Variants in MYCBP2 observed in about 807,000 individuals in gnomAD.
The protein encoded by MYCBP2 is MYC binding protein 2, also known as E3 ubiquitin-protein ligase MYCBP2.
MYCBP2 carries 120 observed loss-of-function variants against 525.3 expected under a neutral mutation model. That is an observed-to-expected ratio of 0.23 (90% CI 0.20 to 0.27). MYCBP2 has a LOEUF of 0.27. Among genes scored for constraint, MYCBP2 ranks in the 10% least tolerant of loss-of-function variants. The pLI is 1.00. For missense variants in MYCBP2, 4,149 were observed against 5,657.1 expected, an observed-to-expected ratio of 0.73 and a Z score of 8.55; for synonymous variants, 1,894 against 1,955.8, an observed-to-expected ratio of 0.97 and a Z score of 0.83.
chr13:77,273,665 G>C lies in MYCBP2; in HGVS notation c.752C>G (p.Ser251Cys). ...GATTTCCAAAAGAAGCTGGAAGAGA[G>C]ACTCTGTGGATAAAATAGAATTCAA... ...LQSEPPEVLESLFQLLLEITV... is the reference protein window; with the variant it reads ...LQSEPPEVLECLFQLLLEITV... Residue 251 changes from serine (S) to cysteine (C), a missense_variant, in exon 5 of 83, where the codon TCT becomes TGT. Ser to Cys is a moderately radical substitution (Grantham distance 112). This residue lies in a region of MYCBP2 where 413 missense variants were observed against 451.2 expected (regional missense o/e 0.92). Transcript: ENST00000544440. 1 of 1,516,170 alleles carries C rather than the reference G, an allele frequency of 6.6e-7. No homozygotes were observed. Among genetic ancestry groups the C allele is most frequent in the Non-Finnish European group, 8.8e-7 (1 of 1,134,706 alleles). 93.9% of individuals were successfully genotyped at this position (1,516,170 alleles called of 1,614,324 possible).
In MYCBP2 at chr13:77,228,830, T is replaced by C. The variant is rs560457180; in HGVS notation, c.2738-3276A>G. On this transcript the variant is annotated intron_variant, in intron 18 of 82. Transcript: ENST00000544440. Reference sequence around the variant, plus strand: ...CATTATATATAATTATATACACATATTTGTATACACAGAGAAAAAAGAGGG... The same window carrying C: ...CATTATATATAATTATATACACATACTTGTATACACAGAGAAAAAAGAGGG... Among the ~76,000 whole-genome samples the C allele has an allele frequency of 4.6e-5, 7 of 152,218 alleles. No homozygotes were observed. In the South Asian group the frequency reaches 1.2e-3, roughly 27 times the overall value.
chr13:77,233,834 T>G (rs1254435828), intron 17 of MYCBP2, among the ~76,000 whole-genome samples: 1 of 151,354 alleles, frequency 6.6e-6, no homozygotes, highest in Non-Finnish European at 1.5e-5. Flanking sequence ...ATGTCTATAT[T>G]CTGCATATAG....
intron 21 of MYCBP2, 76 bp downstream of exon 21, chr13:77,217,764 G>GA (rs767689059): frequency 2.1e-4 from 172 of 832,412 alleles, no homozygotes; most frequent in Non-Finnish European, 1.4e-4. Context: ...TCTGGAAACA[G>GA]AAAAAAGAGC....
At chr13:77,084,233 A>G (rs777052346) in intron 62 of MYCBP2, among the ~76,000 whole-genome samples, 49 of 152,184 alleles carry the variant, frequency 3.2e-4, no homozygotes, top group Non-Finnish European at 2.4e-4. Context: ...GTGAATTTTG[A>G]TAGATCTTAC....
chr13:77,309,961 A>C (rs1248627231), intron 1 of MYCBP2, among the ~76,000 whole-genome samples: 2 of 152,056 alleles, frequency 1.3e-5, no homozygotes, highest in African/African-American at 4.8e-5. Context: ...AAAATACAAA[A>C]ATTAGCTGGG....
chr13:77,257,938 C>T (rs897705069), intron 13 of MYCBP2, 109 bp from the exon 14 acceptor site: 3 of 845,296 alleles, frequency 3.5e-6, no homozygotes, highest in South Asian at 2.3e-5. Context: ...AATAACTCAA[C>T]AAAATGAGAA....
intron 68 of MYCBP2, among the ~76,000 whole-genome samples, chr13:77,071,771 A>G (rs955735341): frequency 1.7e-4 from 26 of 152,244 alleles, no homozygotes; most frequent in African/African-American, 6.3e-4. Flanking sequence ...AGCAGAGTTC[A>G]CATTTTTTTG....
chr13:77,259,916 T>C (rs1417360799), intron 13 of MYCBP2, among the ~76,000 whole-genome samples: 3 of 152,200 alleles, frequency 2.0e-5, no homozygotes, highest in African/African-American at 7.2e-5. Flanking sequence ...ACCCCTCATA[T>C]CCACTTCTCA....
chr13:77,190,885 T>G (rs1454500268), intron 28 of MYCBP2, among the ~76,000 whole-genome samples: 2 of 152,228 alleles, frequency 1.3e-5, no homozygotes, highest in Non-Finnish European at 2.9e-5. Flanking sequence ...TTGTTATGAA[T>G]TGACCTGCAC....
chr13:77,102,329 T>C (rs2047193295), intron 55 of MYCBP2, among the ~76,000 whole-genome samples: 1 of 151,766 alleles, frequency 6.6e-6, no homozygotes, highest in Non-Finnish European at 1.5e-5. Flanking sequence ...TATATGTTTA[T>C]ACTGTCAATT....
chr13:77,254,609 G>C (rs779175954), intron 14 of MYCBP2, among the ~76,000 whole-genome samples: 3 of 151,704 alleles, frequency 2.0e-5, no homozygotes, highest in Admixed American at 6.6e-5. Flanking sequence ...AGATAACTGG[G>C]ATATTCTAAA....
intron 10 of MYCBP2, among the ~76,000 whole-genome samples, chr13:77,263,260 A>C (rs1310011740): frequency 6.6e-6 from 1 of 152,016 alleles, no homozygotes; most frequent in Non-Finnish European, 1.5e-5. Context: ...TCAACGAGAG[A>C]ACTATGTATA....
intron 55 of MYCBP2, chr13:77,109,981 C>T (rs1375174476): frequency 6.6e-6 from 1 of 152,130 alleles, no homozygotes; most frequent in African/African-American, 2.4e-5. Flanking sequence ...TACGTCACCT[C>T]AGGACCATTA....
intron 18 of MYCBP2, among the ~76,000 whole-genome samples, chr13:77,231,097 A>AAATGTAT (rs1196824957): frequency 1.3e-5 from 2 of 152,246 alleles, no homozygotes; most frequent in African/African-American, 4.8e-5. Context: ...TATTATTTGC[A>AAATGTAT]TTGTAAATGT....
chr13:77,046,933 G>T (rs1456631149), intron 82 of MYCBP2, among the ~76,000 whole-genome samples: 1 of 152,170 alleles, frequency 6.6e-6, no homozygotes, highest in Non-Finnish European at 1.5e-5. Context: ...TGCGCAGGAT[G>T]GGGACACTCA....
intron 17 of MYCBP2, among the ~76,000 whole-genome samples, chr13:77,241,441 C>A (rs1297510105): frequency 6.6e-6 from 1 of 152,054 alleles, no homozygotes; most frequent in Non-Finnish European, 1.5e-5. Flanking sequence ...GTCGCTCAAC[C>A]TAATATTTCT....
chr13:77,081,894 GC>G lies in MYCBP2; in HGVS notation c.11135del (p.Gly3712AlafsTer18). On this transcript the variant is annotated frameshift_variant, in exon 64 of 83. Coordinates refer to ENST00000544440, the MANE Select transcript of MYCBP2 (RefSeq NM_015057.5). LOFTEE classifies it high-confidence loss of function. The surrounding 1 kb of genome is among the most constrained non-coding windows in gnomAD (Gnocchi z 4.6). ...TGATGCTAAAACTCTCTTCACTATC[GC>G]CATCATCTGACTTTGACAAAATATT... ...INNILSKSDD[G>X]DSEESFSISI... 6.2e-7 allele frequency: 1 copy of G among 1,613,512 alleles called. No homozygotes were observed. Among genetic ancestry groups the G allele is most frequent in the Non-Finnish European group, 8.5e-7 (1 of 1,179,726 alleles).
chr13:77,167,974 T>C (rs1265070661), intron 40 of MYCBP2, among the ~76,000 whole-genome samples: 2 of 152,226 alleles, frequency 1.3e-5, no homozygotes, highest in African/African-American at 4.8e-5. Context: ...GAATACTCTC[T>C]AATAACATTA....
intron 79 of MYCBP2, 98 bp downstream of exon 79, chr13:77,056,888 T>G (rs1594086372): frequency 9.4e-6 from 8 of 853,650 alleles, no homozygotes; most frequent in African/African-American, 1.7e-5. Context: ...TAGGGGCTGG[T>G]GGGTAAAACC....
Sources: gnomAD v4.1 joint callset for allele counts (sites outside exome capture counted in the v4.1 genomes callset) on GRCh38, gnomAD v4.1.1 for gene constraint, gnomAD v4.1.1 regional missense constraint, Gnocchi (gnomAD v3.1) non-coding constraint, MANE v1.5 for transcripts, NCBI Gene and HGNC (gene_info 2026-07-23, HGNC 2026-07-21) for gene names.